Variants in SGSM1 observed in about 807,000 individuals in gnomAD.
SGSM1 encodes the protein small G protein signaling modulator 1.
A neutral mutation model predicts 133.8 loss-of-function variants in SGSM1; 73 were observed. The ratio of observed to expected loss-of-function variants is 0.55; its 90% confidence interval spans 0.45 to 0.66. The LOEUF (loss-of-function observed/expected upper bound fraction) is 0.66. Ranked by LOEUF, SGSM1 falls within the 30% of genes least tolerant of loss-of-function variation. SGSM1 has a pLI of 0.00. For missense variants in SGSM1, 1,213 were observed against 1,448.1 expected (o/e 0.84, Z 2.64); for synonymous variants, 563 against 573.0 (o/e 0.98, Z 0.25).
At chr22:24,814,736 C>A (rs1243328377) in intron 2 of SGSM1, among the ~76,000 whole-genome samples, 1 of 152,228 alleles carries the variant, frequency 6.6e-6, no homozygotes, top group African/African-American at 2.4e-5. Flanking sequence ...GCCCTCAGCA[C>A]AGGATCTTGC....
intron 5 of SGSM1, among the ~76,000 whole-genome samples, chr22:24,850,815 A>T (rs1763188915): frequency 6.6e-6 from 1 of 152,202 alleles, no homozygotes; most frequent in Admixed American, 6.5e-5. Context: ...ATGCATGGTG[A>T]GGCTGGGCGC....
chr22:24,857,740 A>G (rs980561247), intron 8 of SGSM1, among the ~76,000 whole-genome samples: 16 of 152,226 alleles, frequency 1.1e-4, no homozygotes, highest in Admixed American at 2.0e-4. Flanking sequence ...GTTAACAATC[A>G]TCTGTGCCTC....
chr22:24,923,153 A>G (rs1934071771), intron 24 of SGSM1, among the ~76,000 whole-genome samples: 1 of 151,308 alleles, frequency 6.6e-6, no homozygotes, highest in Non-Finnish European at 1.5e-5. Flanking sequence ...AGAAAAAAAA[A>G]GAAGAAAGTT....
chr22:24,836,181 CTTA>C (rs2147818216), intron 2 of SGSM1, among the ~76,000 whole-genome samples: 1 of 152,278 alleles, frequency 6.6e-6, no homozygotes, highest in Non-Finnish European at 1.5e-5. Context: ...CTAAGTACCT[CTTA>C]TAAGTGGAAT....
intron 19 of SGSM1, 122 bp downstream of exon 19, chr22:24,898,681 C>G (rs184761011): frequency 2.1e-6 from 2 of 960,628 alleles, no homozygotes; most frequent in South Asian, 3.4e-5. Context: ...GCATTTTTTC[C>G]GTCATGGAGG....
At chr22:24,842,745 G>A (rs1475714432) in intron 2 of SGSM1, among the ~76,000 whole-genome samples, 4 of 152,150 alleles carry the variant, frequency 2.6e-5, no homozygotes. Flanking sequence ...CCAAAATAAC[G>A]GTGATGGGAG....
chr22:24,837,724 T>G (rs1330830026), intron 2 of SGSM1, among the ~76,000 whole-genome samples: 1 of 152,230 alleles, frequency 6.6e-6, no homozygotes, highest in Non-Finnish European at 1.5e-5. Context: ...CTGGTGGCCC[T>G]GTCCGGGCAT....
At chr22:24,919,376 A>G (rs762866772) in intron 23 of SGSM1, among the ~76,000 whole-genome samples, 3 of 152,028 alleles carry the variant, frequency 2.0e-5, no homozygotes, top group Non-Finnish European at 4.4e-5. Flanking sequence ...CCGTTGCTCT[A>G]TTCTTTCTCT....
In SGSM1 at chr22:24,888,411, A is replaced by G. The variant is rs147408830; in HGVS notation, c.1770+1683A>G. On this transcript the variant is annotated intron_variant, in intron 16 of 24. Coordinates refer to ENST00000400358, the MANE Select transcript of SGSM1 (RefSeq NM_001098497.3). ...TTCATTTTTCGTTTTTTGGTGTTCA[A>G]TTGCTCCAGCATCATTTGTTGAAAA... 2.2e-3 allele frequency among the ~76,000 whole-genome samples: 331 copies of G among 152,098 alleles called. 1 individual carries two copies. Among genetic ancestry groups the G allele is most frequent in the African/African-American group, 7.0e-3 (292 of 41,490 alleles).
At chr22:24,844,497 G>C (rs1221489081) in intron 2 of SGSM1, 1 of 159,552 alleles carries the variant, frequency 6.3e-6, no homozygotes, top group Non-Finnish European at 1.4e-5. Flanking sequence ...TTGCACTCCA[G>C]CCGGGGCAAC....
At chr22:24,900,405 T>TCTTTCTCTCTTTCTCTCTTTCTC (rs1933109874) in intron 19 of SGSM1, among the ~76,000 whole-genome samples, 1 of 67,404 alleles carries the variant, frequency 1.5e-5, no homozygotes, top group African/African-American at 4.9e-5. Context: ...CTTTCTTTCT[T>TCTTTCTCTCTTTCTCTCTTTCTC]TCTGTATTTT....
At chr22:24,903,253 G>A (rs1933228507) in intron 20 of SGSM1, among the ~76,000 whole-genome samples, 1 of 151,618 alleles carries the variant, frequency 6.6e-6, no homozygotes, top group Non-Finnish European at 1.5e-5. Context: ...CTGTTGCCCA[G>A]GCTGGAGTAC....
At chr22:24,858,678 G>C (rs1425736154) in intron 8 of SGSM1, among the ~76,000 whole-genome samples, 3 of 150,102 alleles carry the variant, frequency 2.0e-5, no homozygotes, top group African/African-American at 7.4e-5. Flanking sequence ...ATCTGGACTT[G>C]TGGGCTTCCC....
chr22:24,820,819 A>T (rs1388604784), intron 2 of SGSM1, among the ~76,000 whole-genome samples: 1 of 152,212 alleles, frequency 6.6e-6, no homozygotes, highest in Non-Finnish European at 1.5e-5. Flanking sequence ...AACAGGTGAG[A>T]TCCCTGCCTT....
intron 9 of SGSM1, among the ~76,000 whole-genome samples, chr22:24,863,081 G>A (rs1180220156): frequency 1.3e-5 from 2 of 152,330 alleles, no homozygotes; most frequent in South Asian, 2.1e-4. Context: ...CCGCCCCAGC[G>A]CAGATAATCG....
intron 4 of SGSM1, among the ~76,000 whole-genome samples, chr22:24,849,119 T>G (rs1930310496): frequency 6.6e-6 from 1 of 152,160 alleles, no homozygotes; most frequent in Non-Finnish European, 1.5e-5. Context: ...TATTCATATA[T>G]GCAATCACTC....
At chr22:24,869,841 C>T (rs1191515338) in intron 12 of SGSM1, among the ~76,000 whole-genome samples, 2 of 152,260 alleles carry the variant, frequency 1.3e-5, no homozygotes, top group African/African-American at 2.4e-5. Context: ...TACTAGTAAG[C>T]GCATCACCAT....
At chr22:24,878,124 A>G (rs1225138201) in intron 13 of SGSM1, among the ~76,000 whole-genome samples, 2 of 152,144 alleles carry the variant, frequency 1.3e-5, no homozygotes, top group Non-Finnish European at 2.9e-5. Context: ...AGATTCTCTT[A>G]TCATGCATTA....
chr22:24,825,363 G>T (rs7291051), intron 2 of SGSM1, among the ~76,000 whole-genome samples: 69,542 of 151,992 alleles, frequency 0.46, 17,284 homozygotes, highest in East Asian at 0.64. Context: ...TCCAGTGGTT[G>T]TTGAGGGACC....
Sources: gnomAD v4.1 joint callset for allele counts (sites outside exome capture counted in the v4.1 genomes callset) on GRCh38, gnomAD v4.1.1 for gene constraint, MANE v1.5 for transcripts, NCBI Gene and HGNC (gene_info 2026-07-23, HGNC 2026-07-21) for gene names.